LMNTD2: variants seen among roughly 807,000 people sequenced by gnomAD.
LMNTD2 encodes the protein lamin tail domain containing 2.
In LMNTD2, 83 loss-of-function variants were observed where a neutral mutation model predicts 70.1. The ratio of observed to expected loss-of-function variants is 1.18; its 90% CI spans 0.99 to 1.42. The LOEUF is 1.42. LMNTD2 is among the 40% of genes most tolerant of loss of function. The probability of loss-of-function intolerance (pLI) is 0.00; values close to 1 mark genes in which losing one functional copy is unlikely to be tolerated. For synonymous variants in LMNTD2, 534 were observed against 406.1 expected (o/e 1.31, Z -3.79); for missense variants, 1,153 against 905.9 (o/e 1.27, Z -3.50).
In LMNTD2 at chr11:556,981, C is replaced by T; in HGVS notation, c.830G>A (p.Ser277Asn). The T allele has an allele frequency of 6.2e-7, 1 of 1,607,500 alleles. No homozygotes were observed. The highest frequency in any genetic ancestry group is 8.5e-7 in the Non-Finnish European group (1 of 1,179,064). The change falls in exon 8 of 14, where the codon AGC becomes AAC. Residue 277 changes from serine (S) to asparagine (N), a missense_variant. Ser to Asn is a conservative substitution (Grantham distance 46). Transcript: ENST00000329451. Reference protein sequence around the residue: ...WGSLPCLNTSSSGGADSDSSS... With the variant: ...WGSLPCLNTSNSGGADSDSSS... Reference sequence around the variant, plus strand: ...GGAGTCGGAGTCAGCGCCCCCTGAGCTGCTGGTGTTCAGACAGGGCAGGGA... The same window carrying T: ...GGAGTCGGAGTCAGCGCCCCCTGAGTTGCTGGTGTTCAGACAGGGCAGGGA...
In LMNTD2 at chr11:554,910, G is replaced by T; in HGVS notation, c.*70C>A. 1.8e-6 allele frequency: 2 copies of T among 1,127,076 alleles called. No individual in the cohort carries two copies. The highest frequency in any genetic ancestry group is 2.4e-6 in the Non-Finnish European group (2 of 829,790). The allele number at this position is 1,127,076 out of a possible 1,614,324, so 69.8% of individuals were successfully genotyped here. On this transcript the variant is annotated 3_prime_UTR_variant, in exon 14 of 14. Transcript: ENST00000329451. ...ACGTTGGTTCAATAAATGATGCAGC[G>T]GACACAGCCCGCCCAGCCCCGGCGC...
At chr11:555,687 C>G in intron 12 of LMNTD2, 47 bp downstream of exon 12, 1 of 1,362,788 alleles carries the variant, frequency 7.3e-7, no homozygotes, top group African/African-American at 1.5e-5. Flanking sequence ...TCTGCTGGGT[C>G]GGGGCCTGGG....
chr11:558,719 C>T lies in LMNTD2; in HGVS notation c.206G>A (p.Arg69Lys), dbSNP rs58332044. The part of the protein sequence containing the change: ...LDPRTLRLLW[R>K]QRELEIQALR... Reference sequence around the variant, plus strand: ...GGCCTGGATCTCCAGTTCTCGCTGTCTCCACAGCAGCCGCAGTGTGCGAGG... The same window carrying T: ...GGCCTGGATCTCCAGTTCTCGCTGTTTCCACAGCAGCCGCAGTGTGCGAGG... The change falls in exon 3 of 14, where the codon AGA becomes AAA. Residue 69 changes from arginine (R) to lysine (K), a missense_variant. Transcript: ENST00000329451. The T allele has an allele frequency of 3.2e-3, 5,081 of 1,607,542 alleles. 123 individuals carry two copies. In the African/African-American group the frequency reaches 0.057, roughly 18 times the overall value.
intron 1 of LMNTD2, chr11:560,158 GGAGCACA>G (rs1229014796): frequency 3.2e-6 from 1 of 314,014 alleles, no homozygotes; most frequent in East Asian, 1.7e-4. Flanking sequence ...GCTCCCTGGG[GGAGCACA>G]GGAGACAGGC....
chr11:560,601 C>G, intron 1 of LMNTD2, 82 bp downstream of exon 1: 1 of 1,309,454 alleles, frequency 7.6e-7, no homozygotes, highest in Non-Finnish European at 9.8e-7. Flanking sequence ...GGATCTCAAG[C>G]CAGAGACCCT....
At position 557,864 on chromosome 11, in the gene LMNTD2, G is replaced by A. The variant is rs1356893473; in HGVS notation, c.555+20C>T. The A allele has an allele frequency of 6.5e-7, 1 of 1,550,178 alleles. No homozygotes were observed. Among genetic ancestry groups the A allele is most frequent in the Non-Finnish European group, 8.7e-7 (1 of 1,148,492 alleles). On this transcript the variant is annotated intron_variant, in intron 5 of 13. Transcript: ENST00000329451. Reference sequence around the variant, plus strand: ...TGGGGAGGGCAGCCTGGGGCAGGAGGGCTTGGGGGACAGGCTCACCTCCAC... The same window carrying A: ...TGGGGAGGGCAGCCTGGGGCAGGAGAGCTTGGGGGACAGGCTCACCTCCAC...
In LMNTD2 at chr11:554,986, G is replaced by A. The variant is rs368969383; in HGVS notation, c.1899C>T (p.Gly633=). ...CGGCCCCACTCCTCCGCCCCTAGGC[G>A]CCGCGGCAGGTGTCCGCGGTGACCG... ...CLPVTADTCR[G]A The change falls in exon 14 of 14, where the codon GGC becomes GGT. Residue 633 remains glycine, a synonymous_variant. Coordinates refer to ENST00000329451, the MANE Select transcript of LMNTD2 (RefSeq NM_173573.3). 1.9e-6 allele frequency: 3 copies of A among 1,580,276 alleles called. No individual in the cohort carries two copies. Among genetic ancestry groups the A allele is most frequent in the Non-Finnish European group, 2.6e-6 (3 of 1,167,290 alleles).
Position 559,877 on chromosome 11 carries a change from C to T in LMNTD2, c.34+806G>A, listed in dbSNP as rs544312573. On this transcript the variant is annotated intron_variant, in intron 1 of 13. Coordinates refer to ENST00000329451, the MANE Select transcript of LMNTD2 (RefSeq NM_173573.3). The stretch of plus-strand genomic sequence containing the variant: ...TGGGCTCAGGTGATCCTCCCACTTC[C>T]GCCTCCTGACTTGCTGAAACTACAG... 21 of 589,600 alleles carry T rather than the reference C, an allele frequency of 3.6e-5. No individual in the cohort carries two copies. In the African/African-American group the frequency reaches 3.6e-4, roughly 10 times the overall value. 36.5% of individuals were successfully genotyped at this position (589,600 alleles called of 1,614,324 possible). A position where few individuals can be genotyped will look rare whatever the true frequency, so the allele number is the denominator to read the frequency against.
Position 556,523 on chromosome 11 carries a change from G to C in LMNTD2, c.1042C>G (p.Pro348Ala). 14 of 1,558,870 alleles carry C rather than the reference G, an allele frequency of 9.0e-6. No individual in the cohort carries two copies. Among genetic ancestry groups the C allele is most frequent in the Non-Finnish European group, 1.2e-5 (14 of 1,151,544 alleles). Residue 348 changes from proline to alanine, a missense_variant, in exon 9 of 14, where the codon CCG becomes GCG. Transcript: ENST00000329451. Reference sequence around the variant, plus strand: ...AGGAGTTCCGGGCTCCAGTGGTCCGGGTCTGTGCAGGGCTGGGGCGACAGG... The same window carrying C: ...AGGAGTTCCGGGCTCCAGTGGTCCGCGTCTGTGCAGGGCTGGGGCGACAGG... ...PVLSPQPCTD[P>A]DHWSPELLQS...
At chr11:555,189 GC>G (rs1852744501) in intron 13 of LMNTD2, 78 bp from the exon 14 acceptor site, 2 of 471,730 alleles carry the variant, frequency 4.2e-6, no homozygotes, top group African/African-American at 2.6e-5. Flanking sequence ...GAGGGGAGGG[GC>G]GGGGAGGAGA....
intron 1 of LMNTD2, chr11:559,487 G>A (rs1853144005): frequency 1.5e-6 from 2 of 1,292,678 alleles, no homozygotes; most frequent in South Asian, 1.2e-5. Flanking sequence ...GTGAGTTCTG[G>A]GCCAGCCCAG....
intron 1 of LMNTD2, chr11:559,503 A>G: frequency 4.7e-6 from 6 of 1,280,388 alleles, no homozygotes; most frequent in Non-Finnish European, 6.1e-6. Flanking sequence ...CCCAGCCTGG[A>G]GGAGGTGTGA....
In LMNTD2 at chr11:554,980, C is replaced by G. The variant is rs773762661; in HGVS notation, c.1905G>C (p.Ter635TyrextTer29). ...PVTADTCRGA[*>Y] ...CGGTCCCGGCCCCACTCCTCCGCCCCTAGGCGCCGCGGCAGGTGTCCGCGG... is the reference window on the plus strand; with the variant it reads ...CGGTCCCGGCCCCACTCCTCCGCCCGTAGGCGCCGCGGCAGGTGTCCGCGG... The change falls in exon 14 of 14, where the codon TAG (stop) becomes TAC (tyrosine). Residue 635 changes from the stop codon to tyrosine, a stop_lost. Coordinates refer to ENST00000329451, the MANE Select transcript of LMNTD2 (RefSeq NM_173573.3). 13 of 1,575,224 alleles carry G rather than the reference C, an allele frequency of 8.3e-6. No homozygotes were observed. The highest frequency in any genetic ancestry group is 5.3e-5 in the Admixed American group (3 of 56,496).
chr11:557,821 C>T (rs531775672), intron 5 of LMNTD2, 63 bp downstream of exon 5: 130 of 1,511,458 alleles, frequency 8.6e-5, no homozygotes, highest in Middle Eastern at 2.4e-4. Context: ...CAGAGGCACC[C>T]GACGAGATGG....
rs933268984 is a variant in LMNTD2 at position 556,284 on chromosome 11, C to G, written c.1165G>C (p.Gly389Arg). ...PSQESTADLSGMVLKQLVRGF... is the reference protein window; with the variant it reads ...PSQESTADLSRMVLKQLVRGF... ...CGCACCAGCTGCTTCAGCACCATGC[C>G]GCTCAGGTCGGCCGTGCTCTCCTGC... is the stretch of plus-strand genomic sequence containing the variant. The change falls in exon 10 of 14, where the codon GGC (glycine) becomes CGC (arginine). Residue 389 changes from glycine (G) to arginine (R), a missense_variant. By Grantham distance (125) the Gly-to-Arg change is moderately radical (BLOSUM62 -2). Coordinates refer to ENST00000329451, the MANE Select transcript of LMNTD2 (RefSeq NM_173573.3). 5 of 1,535,310 alleles carry G rather than the reference C, an allele frequency of 3.3e-6. No individual in the cohort carries two copies. The highest frequency in any genetic ancestry group is 2.7e-5 in the African/African-American group (2 of 73,018).
chr11:556,630 A>C (rs1018427790), intron 8 of LMNTD2, 42 bp from the exon 9 acceptor site: 6 of 1,448,434 alleles, frequency 4.1e-6, no homozygotes, highest in Non-Finnish European at 5.5e-6. Flanking sequence ...CCTCGAATGG[A>C]GTCCCCACCG....
chr11:560,067 G>A (rs937074376), intron 1 of LMNTD2: 2 of 163,486 alleles, frequency 1.2e-5, no homozygotes, highest in African/African-American at 2.4e-5. Context: ...CAGGAGAAAA[G>A]CCAGGTCCCA....
chr11:557,862 AG>A, intron 5 of LMNTD2, 21 bp downstream of exon 5: 1 of 1,545,978 alleles, frequency 6.5e-7, no homozygotes. Flanking sequence ...CTGGGGCAGG[AG>A]GGCTTGGGGG....
At chr11:557,829 T>G in intron 5 of LMNTD2, 55 bp downstream of exon 5, 1 of 1,508,948 alleles carries the variant, frequency 6.6e-7, no homozygotes, top group South Asian at 1.3e-5. Flanking sequence ...CCCGACGAGA[T>G]GGGGAGGGCT....
Sources: allele counts gnomAD v4.1 joint callset, GRCh38; gene constraint gnomAD v4.1.1; transcripts MANE v1.5; gene names NCBI Gene and HGNC (gene_info 2026-07-23, HGNC 2026-07-21).